Variants in SUCLG2 observed in about 807,000 individuals in gnomAD.
The protein encoded by SUCLG2 is succinate--CoA ligase [GDP-forming] subunit beta, mitochondrial.
Under a neutral mutation model 47.9 loss-of-function variants are expected in SUCLG2, and 42 were observed. That is an observed-to-expected ratio of 0.88 (90% CI 0.69 to 1.14). SUCLG2 has a LOEUF of 1.14. Among genes scored for constraint, SUCLG2 ranks in the 50% most tolerant of loss-of-function variants. The pLI, the probability that SUCLG2 is intolerant of heterozygous loss-of-function variation, is 0.00. For synonymous variants in SUCLG2, 195 were observed against 197.3 expected, an observed-to-expected ratio of 0.99 and a Z score of 0.10; for missense variants, 571 against 525.9, an observed-to-expected ratio of 1.09 and a Z score of -0.84.
intron 1 of SUCLG2, among the ~76,000 whole-genome samples, chr3:67,645,278 C>G (rs1483733366): frequency 1.3e-5 from 2 of 151,994 alleles, no homozygotes; most frequent in Non-Finnish European, 2.9e-5. Context: ...TCATCATATA[C>G]TCATATCAAA....
intron 6 of SUCLG2, among the ~76,000 whole-genome samples, chr3:67,512,663 C>T (rs1705828248): frequency 6.6e-6 from 1 of 151,006 alleles, no homozygotes; most frequent in Admixed American, 6.6e-5. Context: ...CACCATATCT[C>T]AACCATTTTT....
intron 10 of SUCLG2, among the ~76,000 whole-genome samples, chr3:67,396,521 C>G (rs988609923): frequency 1.3e-5 from 2 of 152,112 alleles, no homozygotes; most frequent in African/African-American, 4.8e-5. Context: ...GAAATTGTGG[C>G]AATAATCAAT....
At chr3:67,426,745 T>C (rs533940326) in intron 9 of SUCLG2, among the ~76,000 whole-genome samples, 2 of 152,196 alleles carry the variant, frequency 1.3e-5, no homozygotes, top group South Asian at 4.1e-4. Context: ...CTGGCCAACA[T>C]GGTGAAACCC....
At chr3:67,495,734 A>C in intron 9 of SUCLG2, 64 bp downstream of exon 9, 38 of 1,590,520 alleles carry the variant, frequency 2.4e-5, no homozygotes, top group Non-Finnish European at 3.3e-5. Flanking sequence ...AGGAAGAACA[A>C]GTGAGCTCTT....
At chr3:67,653,545 A>G (rs528480533) in intron 1 of SUCLG2, among the ~76,000 whole-genome samples, 3 of 152,374 alleles carry the variant, frequency 2.0e-5, no homozygotes, top group Admixed American at 6.5e-5. Flanking sequence ...AAACTATACT[A>G]TGCACATCCT....
intron 5 of SUCLG2, among the ~76,000 whole-genome samples, chr3:67,519,145 T>G (rs1169458422): frequency 6.6e-6 from 1 of 152,146 alleles, no homozygotes; most frequent in Non-Finnish European, 1.5e-5. Flanking sequence ...AGGTTTTCTC[T>G]GGGTCCCCCG....
In SUCLG2 at chr3:67,569,153, C is replaced by A. The variant is rs116010971; in HGVS notation, c.227-39967G>T. On this transcript the variant is annotated intron_variant, in intron 2 of 10. Coordinates refer to ENST00000307227, the MANE Select transcript of SUCLG2 (RefSeq NM_003848.4). ...ATTCTCTCATTTCATGATTCATTAA[C>A]TCAGTAATTTCCTGCAAGATACATG... Among the ~76,000 whole-genome samples the A allele has an allele frequency of 1.5e-3, 227 of 152,276 alleles. 2 individuals carry two copies. Among genetic ancestry groups the A allele is most frequent in the African/African-American group, 5.1e-3 (212 of 41,566 alleles).
chr3:67,375,138 A>G lies in SUCLG2; in HGVS notation c.*606T>C. On this transcript the variant is annotated 3_prime_UTR_variant, in exon 11 of 11. Transcript: ENST00000307227. ...AATGGTAAAAACACATGGATGGTAT[A>G]TTAATGCAGATATTCCATTATTAAA... 2 of 985,518 alleles carry G rather than the reference A, an allele frequency of 2.0e-6. No homozygotes were observed. The highest frequency in any genetic ancestry group is 2.4e-6 in the Non-Finnish European group (2 of 829,646). The allele number at this position is 985,518 out of a possible 1,614,324, so 61.0% of individuals were successfully genotyped here. A position where few individuals can be genotyped will look rare whatever the true frequency, so the allele number is the denominator to read the frequency against.
At chr3:67,487,583 C>CA (rs1405712113) in intron 9 of SUCLG2, among the ~76,000 whole-genome samples, 74 of 143,740 alleles carry the variant, frequency 5.1e-4, no homozygotes, top group South Asian at 1.5e-3. Flanking sequence ...GAAAACTAGA[C>CA]AAAAAAAAAG....
At chr3:67,606,405 C>G (rs571349306) in intron 2 of SUCLG2, among the ~76,000 whole-genome samples, 42 of 152,274 alleles carry the variant, frequency 2.8e-4, no homozygotes, top group Non-Finnish European at 4.1e-4. Flanking sequence ...CTCCAGAATT[C>G]TCTTTAAAAA....
chr3:67,636,446 G>C (rs529557373), intron 1 of SUCLG2, among the ~76,000 whole-genome samples: 1 of 150,176 alleles, frequency 6.7e-6, no homozygotes, highest in East Asian at 2.0e-4. Flanking sequence ...TCTGCCTCCC[G>C]GGTTCATTCC....
intron 9 of SUCLG2, among the ~76,000 whole-genome samples, chr3:67,424,957 C>A (rs970710199): frequency 2.6e-5 from 4 of 152,112 alleles, no homozygotes; most frequent in Non-Finnish European, 4.4e-5. Flanking sequence ...TTCTCTTACA[C>A]CCTTCCAACT....
At chr3:67,473,084 T>C (rs1461040791) in intron 9 of SUCLG2, among the ~76,000 whole-genome samples, 2 of 152,208 alleles carry the variant, frequency 1.3e-5, no homozygotes, top group East Asian at 3.9e-4. Context: ...TTTAAAAATA[T>C]GCATTTATAC....
intron 1 of SUCLG2, among the ~76,000 whole-genome samples, chr3:67,624,273 T>A (rs191375104): frequency 3.3e-5 from 5 of 152,174 alleles, no homozygotes; most frequent in Non-Finnish European, 7.4e-5. Context: ...GAGTAGGAAA[T>A]GAGCGACCTT....
intron 2 of SUCLG2, among the ~76,000 whole-genome samples, chr3:67,561,364 C>G (rs1259313031): frequency 6.6e-6 from 1 of 152,074 alleles, no homozygotes; most frequent in East Asian, 1.9e-4. Flanking sequence ...CTTTTGCTTT[C>G]TTGCATTAAA....
At chr3:67,623,238 C>T (rs997919770) in intron 1 of SUCLG2, among the ~76,000 whole-genome samples, 4 of 152,098 alleles carry the variant, frequency 2.6e-5, no homozygotes, top group South Asian at 2.1e-4. Flanking sequence ...TGGTGGCTCA[C>T]GCCTGTAATC....
intron 10 of SUCLG2, among the ~76,000 whole-genome samples, chr3:67,394,908 T>C (rs1451690437): frequency 1.3e-5 from 2 of 152,130 alleles, no homozygotes; most frequent in Non-Finnish European, 2.9e-5. Flanking sequence ...CAGAATTTCA[T>C]ATCCACCCAA....
chr3:67,645,390 G>C lies in SUCLG2; in HGVS notation c.84+9113C>G, dbSNP rs931939204. On this transcript the variant is annotated intron_variant, in intron 1 of 10. Coordinates refer to ENST00000307227, the MANE Select transcript of SUCLG2 (RefSeq NM_003848.4). Reference sequence around the variant, plus strand: ...GCGTCCTCAGGCCCACCCTCGCTTAGGACAAGTCACAAGCCTTCTGCCTCC... The same window carrying C: ...GCGTCCTCAGGCCCACCCTCGCTTACGACAAGTCACAAGCCTTCTGCCTCC... 2.6e-5 allele frequency among the ~76,000 whole-genome samples: 4 copies of C among 152,046 alleles called. No homozygotes were observed. The South Asian group carries it at 8.3e-4, about 32-fold the overall frequency.
intron 9 of SUCLG2, among the ~76,000 whole-genome samples, chr3:67,483,669 T>G (rs1704976321): frequency 6.6e-6 from 1 of 152,240 alleles, no homozygotes; most frequent in African/African-American, 2.4e-5. Flanking sequence ...CTGGCAGGGA[T>G]GACACTTAAT....
Sources: allele counts gnomAD v4.1 joint callset (sites outside exome capture counted in the v4.1 genomes callset), GRCh38; gene constraint gnomAD v4.1.1; transcripts MANE v1.5; gene names NCBI Gene and HGNC (gene_info 2026-07-23, HGNC 2026-07-21).